The following ADAMTS17 variants were observed in gnomAD, a reference collection of about 807,000 sequenced individuals.
ADAMTS17 encodes ADAM metallopeptidase with thrombospondin type 1 motif 17, also known as A disintegrin and metalloproteinase with thrombospondin motifs 17.
In ADAMTS17, 113 loss-of-function variants were observed where a neutral mutation model predicts 141.5. The ratio of observed to expected loss-of-function variants is 0.80; its 90% CI spans 0.69 to 0.93. The LOEUF (loss-of-function observed/expected upper bound fraction) is 0.93. ADAMTS17 is among the 40% of genes least tolerant of loss of function. ADAMTS17 has a pLI of 0.00. For synonymous variants in ADAMTS17, 768 were observed against 630.6 expected (o/e 1.22, Z -3.27); for missense variants, 1,659 against 1,517.9 (o/e 1.09, Z -1.54).
chr15:100,240,025 A>G (rs1419161037), intron 7 of ADAMTS17, among the ~76,000 whole-genome samples: 1 of 152,132 alleles, frequency 6.6e-6, no homozygotes, highest in Non-Finnish European at 1.5e-5. Context: ...CAACCCCAAC[A>G]ATCCAGGCTG....
intron 7 of ADAMTS17, among the ~76,000 whole-genome samples, chr15:100,242,339 C>T (rs181779697): frequency 1.3e-5 from 2 of 152,156 alleles, no homozygotes; most frequent in Non-Finnish European, 2.9e-5. Flanking sequence ...GAGGACTGTC[C>T]GTTGTCCAAA....
chr15:100,071,460 T>C (rs979273473), intron 15 of ADAMTS17, among the ~76,000 whole-genome samples: 16 of 150,146 alleles, frequency 1.1e-4, no homozygotes, highest in Admixed American at 7.3e-4. Context: ...TTTAGACCAA[T>C]ATCCCTGATG....
intron 15 of ADAMTS17, among the ~76,000 whole-genome samples, chr15:100,075,298 T>C (rs1283351571): frequency 6.6e-6 from 1 of 152,254 alleles, no homozygotes; most frequent in Admixed American, 6.5e-5. Context: ...ATGTTTGTTA[T>C]GCATTTTTCT....
chr15:100,133,570 C>T (rs1176355672), intron 10 of ADAMTS17, among the ~76,000 whole-genome samples: 1 of 152,196 alleles, frequency 6.6e-6, no homozygotes, highest in Non-Finnish European at 1.5e-5. Flanking sequence ...CTCCAACAAC[C>T]ACCGAGGGCC....
intron 20 of ADAMTS17, among the ~76,000 whole-genome samples, chr15:99,991,112 C>T (rs939616788): frequency 6.6e-6 from 1 of 152,180 alleles, no homozygotes; most frequent in African/African-American, 2.4e-5. Flanking sequence ...TAGGCATGGT[C>T]AAAGACTTTG....
At chr15:100,339,508 G>A (rs927903282) in intron 2 of ADAMTS17, among the ~76,000 whole-genome samples, 3 of 151,960 alleles carry the variant, frequency 2.0e-5, no homozygotes, top group Non-Finnish European at 2.9e-5. Context: ...GCCTTGACCC[G>A]AGCCCTACAG....
intron 18 of ADAMTS17, among the ~76,000 whole-genome samples, chr15:100,004,949 T>A (rs1449538864): frequency 6.6e-6 from 1 of 152,120 alleles, no homozygotes; most frequent in East Asian, 1.9e-4. Flanking sequence ...AGAGATGGAG[T>A]TTTGGCATGT....
chr15:100,290,447 G>T (rs923732193), intron 3 of ADAMTS17, among the ~76,000 whole-genome samples: 1 of 152,164 alleles, frequency 6.6e-6, no homozygotes, highest in Non-Finnish European at 1.5e-5. Flanking sequence ...GCAATTTATA[G>T]ATTCAATGTT....
At position 100,030,129 on chromosome 15, in the gene ADAMTS17, GA is replaced by G. The variant is rs534840825; in HGVS notation, c.2591+18727del. On this transcript the variant is annotated intron_variant, in intron 18 of 21. Transcript: ENST00000268070. ...GACAACTCACTGGGCAGGTGCAGCTGAAATGTTTTTCCCTCCCTGTTCTCAT... is the reference window on the plus strand; with the variant it reads ...GACAACTCACTGGGCAGGTGCAGCTGAATGTTTTTCCCTCCCTGTTCTCAT... 2.7e-3 allele frequency among the ~76,000 whole-genome samples: 412 copies of G among 152,264 alleles called. 3 individuals carry two copies. The highest frequency in any genetic ancestry group is 9.4e-3 in the African/African-American group (391 of 41,560).
intron 4 of ADAMTS17, among the ~76,000 whole-genome samples, chr15:100,280,126 CCA>C (rs1353089226): frequency 6.6e-6 from 1 of 152,184 alleles, no homozygotes; most frequent in Non-Finnish European, 1.5e-5. Flanking sequence ...TCCCTCTTTC[CCA>C]CCAAGACATC....
At chr15:100,100,169 C>A (rs899006588) in intron 14 of ADAMTS17, among the ~76,000 whole-genome samples, 2 of 152,024 alleles carry the variant, frequency 1.3e-5, no homozygotes, top group Non-Finnish European at 2.9e-5. Flanking sequence ...CGGAAACAAG[C>A]AGACACCCCA....
intron 10 of ADAMTS17, among the ~76,000 whole-genome samples, chr15:100,150,878 G>C (rs1343179289): frequency 6.6e-6 from 1 of 152,044 alleles, no homozygotes; most frequent in Non-Finnish European, 1.5e-5. Flanking sequence ...ACAATCTCAT[G>C]CTGTCTCCAC....
At chr15:100,177,699 T>C (rs2040384882) in intron 8 of ADAMTS17, among the ~76,000 whole-genome samples, 1 of 152,198 alleles carries the variant, frequency 6.6e-6, no homozygotes, top group Admixed American at 6.5e-5. Flanking sequence ...GCTAATTTTC[T>C]GTCTAATATT....
At chr15:100,141,749 A>T (rs2038665111) in intron 10 of ADAMTS17, among the ~76,000 whole-genome samples, 1 of 152,234 alleles carries the variant, frequency 6.6e-6, no homozygotes, top group South Asian at 2.1e-4. Context: ...CATGGTGTGG[A>T]GAGCTCTCTG....
intron 13 of ADAMTS17, among the ~76,000 whole-genome samples, chr15:100,110,180 T>C (rs2036668673): frequency 6.8e-6 from 1 of 147,266 alleles, no homozygotes; most frequent in Non-Finnish European, 1.5e-5. Context: ...TATATATATA[T>C]ATTTATATAC....
At chr15:100,122,675 AT>A (rs2037510504) in intron 12 of ADAMTS17, among the ~76,000 whole-genome samples, 7 of 152,372 alleles carry the variant, frequency 4.6e-5, no homozygotes, top group African/African-American at 1.7e-4. Context: ...TATGTGTTTT[AT>A]ACTATATTCT....
intron 14 of ADAMTS17, among the ~76,000 whole-genome samples, chr15:100,105,443 A>C (rs2036357221): frequency 1.3e-5 from 2 of 152,134 alleles, no homozygotes; most frequent in Admixed American, 1.3e-4. Context: ...GGTCCTGGGG[A>C]TGGAGTGACA....
intron 15 of ADAMTS17, among the ~76,000 whole-genome samples, chr15:100,072,848 G>A (rs1233401506): frequency 6.6e-6 from 1 of 152,088 alleles, no homozygotes. Context: ...TAAGCATGGG[G>A]AAGGACTTCA....
intron 3 of ADAMTS17, among the ~76,000 whole-genome samples, chr15:100,291,218 T>C (rs754452587): frequency 1.3e-5 from 2 of 152,176 alleles, no homozygotes; most frequent in Non-Finnish European, 2.9e-5. Flanking sequence ...AAAGAAGACA[T>C]ACACGTGGCC....
Sources: allele counts gnomAD v4.1 joint callset (sites outside exome capture counted in the v4.1 genomes callset), GRCh38; gene constraint gnomAD v4.1.1; transcripts MANE v1.5; gene names NCBI Gene and HGNC (gene_info 2026-07-23, HGNC 2026-07-21).